IGFN1: variants seen among roughly 807,000 people sequenced by gnomAD.
IGFN1 encodes the protein immunoglobulin-like and fibronectin type III domain-containing protein 1.
A neutral mutation model predicts 289.5 loss-of-function variants in IGFN1; 253 were observed. That is an observed-to-expected ratio of 0.87 (90% CI 0.79 to 0.97). The LOEUF (loss-of-function observed/expected upper bound fraction) is 0.97, where lower values mean the gene tolerates loss of function less well. Among genes scored for constraint, IGFN1 ranks in the 50% least tolerant of loss-of-function variants. IGFN1 has a pLI of 0.00. For missense variants in IGFN1, 4,470 were observed against 4,686.1 expected (o/e 0.95, Z 1.35); for synonymous variants, 1,706 against 1,788.5 (o/e 0.95, Z 1.16).
In IGFN1 at chr1:201,201,755, G is replaced by A. The variant is rs1312867433; in HGVS notation, c.670G>A (p.Val224Ile). The change falls in exon 9 of 24, where the codon GTC becomes ATC. Residue 224 changes from valine (V) to isoleucine (I), a missense_variant. Around this residue, in one of 8 missense-constraint regions of IGFN1, gnomAD observed 2,011 missense variants for 1,953.4 expected, o/e 1.03. Transcript: ENST00000335211. Reference sequence around the variant, plus strand: ...CATCTCCAGCTTAAGACACATCAGGGTCACCAAGGATGGGAATGCAAAGTT... The same window carrying A: ...CATCTCCAGCTTAAGACACATCAGGATCACCAAGGATGGGAATGCAAAGTT... ...NTISSLRHIR[V>I]TKDGNAKFDL... is the part of the protein sequence containing the mutation. 6.5e-7 allele frequency: 1 copy of A among 1,549,596 alleles called. No individual in the cohort carries two copies. The highest frequency in any genetic ancestry group is 2.4e-5 in the East Asian group (1 of 40,894).
chr1:201,205,707 G>A (rs1029454467), intron 11 of IGFN1, among the ~76,000 whole-genome samples: 1 of 152,230 alleles, frequency 6.6e-6, no homozygotes, highest in Admixed American at 6.5e-5. Context: ...ATGTTCCCAG[G>A]AAAGTGTAAA....
rs766607576 is a variant in IGFN1 at position 201,215,553 on chromosome 1, G to A, written c.9010G>A (p.Ala3004Thr). 4.1e-5 allele frequency: 65 copies of A among 1,576,898 alleles called. No homozygotes were observed. In the Middle Eastern group the frequency reaches 1.2e-3, roughly 29 times the overall value. Residue 3004 changes from alanine (A) to threonine (T), a missense_variant, in exon 15 of 24, where the codon GCT (alanine) becomes ACT (threonine). Ala to Thr is a moderately conservative substitution (Grantham distance 58). Transcript: ENST00000335211. ...TTTATTTCTAGATTCCCCTACCATT[G>A]CTCCAGATGTGACAGAGAAACTGAG... ...TLTVQDSPTIAPDVTEKLREP... is the reference protein window; with the variant it reads ...TLTVQDSPTITPDVTEKLREP...
Position 201,225,747 on chromosome 1 carries a change from C to G in IGFN1, c.10487-77C>G, listed in dbSNP as rs553790329. ...TGCGTTCCCCAGGACCCTCAGAAGT[C>G]CTGGGACCTGGAGGGGGCTGGTAGC... On this transcript the variant is annotated intron_variant, in intron 21 of 23. Coordinates refer to ENST00000335211, the MANE Select transcript of IGFN1 (RefSeq NM_001164586.2). The G allele has an allele frequency of 4.3e-5, 58 of 1,359,666 alleles. 1 individual carries two copies. In the East Asian group the frequency reaches 1.3e-3, roughly 31 times the overall value. 84.2% of individuals were successfully genotyped at this position (1,359,666 alleles called of 1,614,324 possible). A position where few individuals can be genotyped will look rare whatever the true frequency, so the allele number is the denominator to read the frequency against.
chr1:201,211,927 G>A lies in IGFN1; in HGVS notation c.7034G>A (p.Gly2345Glu), dbSNP rs1214190386. 3 of 1,527,470 alleles carry A rather than the reference G, an allele frequency of 2.0e-6. No homozygotes were observed. Among genetic ancestry groups the A allele is most frequent in the East Asian group, 2.4e-5 (1 of 40,858 alleles). The allele number at this position is 1,527,470 out of a possible 1,614,324, so 94.6% of individuals were successfully genotyped here. The change falls in exon 12 of 24, where the codon GGA (glycine) becomes GAA (glutamate). Residue 2345 changes from glycine to glutamate, a missense_variant. By Grantham distance (98) the Gly-to-Glu change is moderately conservative (BLOSUM62 -2). Transcript: ENST00000335211. ...GAGGTCAGTTATAGAGGAGGCTCAG[G>A]AGGATCTGGGGAAACGGGACCAGAG... ...GSEVSYRGGS[G>E]GSGETGPEGK...
chr1:201,207,870 G>A lies in IGFN1; in HGVS notation c.2977G>A (p.Val993Ile). The change falls in exon 12 of 24, where the codon GTT (valine) becomes ATT (isoleucine). Residue 993 changes from valine (V) to isoleucine (I), a missense_variant. Val to Ile is a conservative substitution (Grantham distance 29, BLOSUM62 3). Transcript: ENST00000335211. ...MGSGHGAGCR[V>I]SPRAPAGVES... is the part of the protein sequence containing the mutation. ...GTCCGGCCATGGTGCTGGTTGTAGA[G>A]TTTCCCCTAGGGCACCTGCGGGAGT... is the stretch of plus-strand genomic sequence containing the variant. The A allele has an allele frequency of 6.5e-7, 1 of 1,536,370 alleles. No individual in the cohort carries two copies. Among genetic ancestry groups the A allele is most frequent in the Non-Finnish European group, 8.7e-7 (1 of 1,146,404 alleles).
At chr1:201,201,196 C>T (rs1412904488) in intron 8 of IGFN1, among the ~76,000 whole-genome samples, 3 of 152,182 alleles carry the variant, frequency 2.0e-5, no homozygotes, top group Non-Finnish European at 4.4e-5. Flanking sequence ...ACTCTGATCC[C>T]AGAATCTTAT....
At chr1:201,205,034 C>T in intron 10 of IGFN1, 48 bp from the exon 11 acceptor site, 1 of 1,489,700 alleles carries the variant, frequency 6.7e-7, no homozygotes, top group Non-Finnish European at 9.0e-7. Flanking sequence ...TTAGGTCACA[C>T]TGTGTCATAC....
At chr1:201,193,344 T>C (rs78805905) in intron 2 of IGFN1, 44 bp downstream of exon 2, 46,402 of 1,462,374 alleles carry the variant, frequency 0.032, 894 homozygotes, top group Non-Finnish European at 0.036. Context: ...TCCCTGGCGA[T>C]CCTTACCAGG....
chr1:201,222,633 T>A (rs374590572), intron 19 of IGFN1, 106 bp from the exon 20 acceptor site: 1 of 676,940 alleles, frequency 1.5e-6, no homozygotes, highest in African/African-American at 1.8e-5. Flanking sequence ...TCAGCATCAA[T>A]CCGACTGGCC....
At position 201,213,027 on chromosome 1, in the gene IGFN1, A is replaced by G. The variant is rs981969951; in HGVS notation, c.8134A>G (p.Ile2712Val). The change falls in exon 12 of 24, where the codon ATC becomes GTC. Residue 2712 changes from isoleucine to valine, a missense_variant. Around this residue, in one of 8 missense-constraint regions of IGFN1, gnomAD observed 2,218 missense variants for 2,114.1 expected, o/e 1.05. Coordinates refer to ENST00000335211, the MANE Select transcript of IGFN1 (RefSeq NM_001164586.2). ...GSSVDAEDSG[I>V]LGKGNSTEWG... ...TTCTGTTGATGCAGAGGACTCAGGT[A>G]TCCTGGGCAAGGGGAATTCTACTGA... is the stretch of plus-strand genomic sequence containing the variant. The G allele has an allele frequency of 7.1e-6, 11 of 1,551,434 alleles. No individual in the cohort carries two copies. In the Admixed American group the frequency reaches 9.8e-5, roughly 14 times the overall value.
Position 201,212,063 on chromosome 1 carries a change from AG to A in IGFN1, c.7172del (p.Gly2391AspfsTer4). 1 of 1,536,376 alleles carries A rather than the reference AG, an allele frequency of 6.5e-7. No individual in the cohort carries two copies. The highest frequency in any genetic ancestry group is 8.7e-7 in the Non-Finnish European group (1 of 1,146,760). On this transcript the variant is annotated frameshift_variant, in exon 12 of 24. Coordinates refer to ENST00000335211, the MANE Select transcript of IGFN1 (RefSeq NM_001164586.2). LOFTEE classifies it high-confidence loss of function. ...RGHKAMGHRS[G>X]YWVASEGDTN... ...GCCATAAAGCCATGGGTCACAGGTC[AG>A]GATATTGGGTAGCATCAGAGGGTGA...
intron 22 of IGFN1, among the ~76,000 whole-genome samples, 170 bp from the exon 23 acceptor site, chr1:201,226,712 A>G (rs1439955420): frequency 6.6e-6 from 1 of 152,220 alleles, no homozygotes; most frequent in Non-Finnish European, 1.5e-5. Context: ...AATTTTAGGA[A>G]AAGGATAGAA....
chr1:201,218,504 G>T, intron 17 of IGFN1, 26 bp from the exon 18 acceptor site: 1 of 1,604,962 alleles, frequency 6.2e-7, no homozygotes, highest in Non-Finnish European at 8.5e-7. Flanking sequence ...ATCAGGGTGG[G>T]ACTCACATGG....
At chr1:201,202,551 G>A (rs1462517682) in intron 9 of IGFN1, among the ~76,000 whole-genome samples, 1 of 152,030 alleles carries the variant, frequency 6.6e-6, no homozygotes, top group Non-Finnish European at 1.5e-5. Flanking sequence ...GATATCGACA[G>A]GGCTAATTCC....
At chr1:201,219,703 C>T (rs1653587565) in intron 18 of IGFN1, among the ~76,000 whole-genome samples, 1 of 152,214 alleles carries the variant, frequency 6.6e-6, no homozygotes, top group Non-Finnish European at 1.5e-5. Context: ...CTCTGTGCCC[C>T]ACAGGGCCCA....
chr1:201,213,358 A>C lies in IGFN1; in HGVS notation c.8465A>C (p.Gln2822Pro), dbSNP rs1667929632. 6.2e-7 allele frequency: 1 copy of C among 1,610,506 alleles called. No individual in the cohort carries two copies. Among genetic ancestry groups the C allele is most frequent in the Non-Finnish European group, 8.5e-7 (1 of 1,178,258 alleles). ...TCACTCAGGAGCAGGTCTCAGGCAC[A>C]GTCAGGGGCTGAGGTTGGAGGAGGA... ...PGSLRSRSQA[Q>P]SGAEVGGGKR... Residue 2822 changes from glutamine (Q) to proline (P), a missense_variant, in exon 12 of 24, where the codon CAG becomes CCG. By Grantham distance (76) the Gln-to-Pro change is moderately conservative. This residue lies in a region of IGFN1 where 2,218 missense variants were observed against 2,114.1 expected (regional missense o/e 1.05). Coordinates refer to ENST00000335211, the MANE Select transcript of IGFN1 (RefSeq NM_001164586.2).
chr1:201,211,705 G>A lies in IGFN1; in HGVS notation c.6812G>A (p.Gly2271Asp), dbSNP rs370257027. The A allele has an allele frequency of 4.2e-5, 65 of 1,536,978 alleles. No individual in the cohort carries two copies. In the South Asian group the frequency reaches 7.0e-4, roughly 17 times the overall value. The change falls in exon 12 of 24, where the codon GGT (glycine) becomes GAT (aspartate). Residue 2271 changes from glycine (G) to aspartate (D), a missense_variant. By Grantham distance (94) the Gly-to-Asp change is moderately conservative. Coordinates refer to ENST00000335211, the MANE Select transcript of IGFN1 (RefSeq NM_001164586.2). The part of the protein sequence containing the change: ...GSGSYTDYRN[G>D]LGSSGKISSG... ...GGCAGTTACACAGATTACAGGAATG[G>A]TTTAGGCAGTTCTGGAAAAATCAGT...
chr1:201,208,631 A>G lies in IGFN1; in HGVS notation c.3738A>G (p.Pro1246=). ...SRGLGPRSTG[P]GGEAGFRDGS... The stretch of plus-strand genomic sequence containing the variant: ...GCCTTGGGCCTAGGAGTACAGGGCC[A>G]GGGGGTGAGGCAGGCTTTAGAGATG... Residue 1246 remains proline (P), a synonymous_variant, in exon 12 of 24, where the codon CCA becomes CCG. Transcript: ENST00000335211. 1 of 1,530,658 alleles carries G rather than the reference A, an allele frequency of 6.5e-7. No homozygotes were observed. Among genetic ancestry groups the G allele is most frequent in the Non-Finnish European group, 8.7e-7 (1 of 1,144,062 alleles). 94.8% of individuals were successfully genotyped at this position (1,530,658 alleles called of 1,614,324 possible). A position where few individuals can be genotyped will look rare whatever the true frequency, so the allele number is the denominator to read the frequency against.
chr1:201,211,817 G>C lies in IGFN1; in HGVS notation c.6924G>C (p.Leu2308Phe). ...LGSEAGSRGS[L>F]EDSGYILSWN... ...GCGAGGCAGGTTCTAGGGGTAGTTT[G>C]GAGGATTCTGGGTACATTTTGTCAT... Residue 2308 changes from leucine to phenylalanine, a missense_variant, in exon 12 of 24, where the codon TTG (leucine) becomes TTC (phenylalanine). By Grantham distance (22) the Leu-to-Phe change is conservative. Coordinates refer to ENST00000335211, the MANE Select transcript of IGFN1 (RefSeq NM_001164586.2). 6.5e-7 allele frequency: 1 copy of C among 1,536,652 alleles called. No individual in the cohort carries two copies. The highest frequency in any genetic ancestry group is 8.7e-7 in the Non-Finnish European group (1 of 1,146,682).
Sources: allele counts gnomAD v4.1 joint callset (sites outside exome capture counted in the v4.1 genomes callset), GRCh38; gene constraint gnomAD v4.1.1; regional missense constraint gnomAD v4.1.1; transcripts MANE v1.5; gene names NCBI Gene and HGNC (gene_info 2026-07-23, HGNC 2026-07-21).